The following OSBPL8 variants were observed in gnomAD, a reference collection of about 807,000 sequenced individuals.
OSBPL8 encodes the protein oxysterol binding protein like 8, also known as oxysterol-binding protein-related protein 8.
In OSBPL8, 59 loss-of-function variants were observed where a neutral mutation model predicts 125.5. That is an observed-to-expected ratio of 0.47 (90% CI 0.38 to 0.58). The LOEUF is 0.58. OSBPL8 is among the 20% of genes least tolerant of loss of function. OSBPL8 has a pLI of 0.00. For missense variants in OSBPL8, 758 were observed against 1,047.8 expected, an observed-to-expected ratio of 0.72 and a Z score of 3.82; for synonymous variants, 330 against 338.9, an observed-to-expected ratio of 0.97 and a Z score of 0.29.
At chr12:76,384,105 T>C in intron 15 of OSBPL8, 149 bp downstream of exon 15, 1 of 430,492 alleles carries the variant, frequency 2.3e-6, no homozygotes, top group Non-Finnish European at 4.2e-6. Flanking sequence ...TATTTATGAG[T>C]GGGCAGAAAA....
At chr12:76,546,445 A>T (rs57532188) in intron 1 of OSBPL8, among the ~76,000 whole-genome samples, 7,006 of 152,204 alleles carry the variant, frequency 0.046, 582 homozygotes, top group African/African-American at 0.16. Context: ...TTTCCCAAAT[A>T]ATCAAATATT....
chr12:76,457,842 T>C (rs1874245274), intron 3 of OSBPL8, among the ~76,000 whole-genome samples: 1 of 152,196 alleles, frequency 6.6e-6, no homozygotes, highest in African/African-American at 2.4e-5. Flanking sequence ...TGCTATTCTA[T>C]TTATAAAGCT....
chr12:76,403,902 C>T (rs1263625417), intron 5 of OSBPL8, among the ~76,000 whole-genome samples: 1 of 152,110 alleles, frequency 6.6e-6, no homozygotes, highest in African/African-American at 2.4e-5. Context: ...AAAGAATGAA[C>T]TTAGTAAATA....
At chr12:76,534,268 G>T (rs546727044) in intron 1 of OSBPL8, 48 of 152,318 alleles carry the variant, frequency 3.2e-4, no homozygotes, top group African/African-American at 1.1e-3. Context: ...CTTCAGGCAA[G>T]GATAGGAATG....
At chr12:76,385,959 G>C (rs1375357977) in intron 14 of OSBPL8, 4 of 614,482 alleles carry the variant, frequency 6.5e-6, no homozygotes, top group Non-Finnish European at 9.3e-6. Flanking sequence ...TTTATTTTTG[G>C]TCAAAGGATT....
intron 2 of OSBPL8, among the ~76,000 whole-genome samples, chr12:76,484,965 G>C (rs560898555): frequency 1.4e-4 from 21 of 152,156 alleles, no homozygotes; most frequent in African/African-American, 4.6e-4. Flanking sequence ...TTGTTGCCCA[G>C]GCTAGAGTGC....
rs749104262 is a variant in OSBPL8, at chr12:76,389,838, A to T, written c.1168-9T>A. On this transcript the variant is annotated splice_polypyrimidine_tract_variant and intron_variant, in intron 11 of 23. Coordinates refer to ENST00000261183, the MANE Select transcript of OSBPL8 (RefSeq NM_020841.5). ...TGAGAAGCCTCACCTGCCTTTATCAATTAATGAAAATTACCAAAACATTAT... is the reference window on the plus strand; with the variant it reads ...TGAGAAGCCTCACCTGCCTTTATCATTTAATGAAAATTACCAAAACATTAT... 17 of 1,468,392 alleles carry T rather than the reference A, an allele frequency of 1.2e-5. No homozygotes were observed. The highest frequency in any genetic ancestry group is 2.9e-5 in the African/African-American group (2 of 70,062). 91.0% of individuals were successfully genotyped at this position (1,468,392 alleles called of 1,614,324 possible).
At chr12:76,476,589 G>C (rs997326439) in intron 2 of OSBPL8, among the ~76,000 whole-genome samples, 1 of 151,896 alleles carries the variant, frequency 6.6e-6, no homozygotes, top group Admixed American at 6.6e-5. Flanking sequence ...TCAAAAAGAA[G>C]TCATCAGGAA....
In OSBPL8 at chr12:76,369,744, T is replaced by G. The variant is rs767054453; in HGVS notation, c.2133A>C (p.Glu711Asp). Residue 711 changes from glutamate to aspartate, a missense_variant, in exon 20 of 24, where the codon GAA (glutamate) becomes GAC (aspartate). By Grantham distance (45) the Glu-to-Asp change is conservative. This residue lies in a region of OSBPL8 where 572 missense variants were observed against 762.0 expected (regional missense o/e 0.75). Coordinates refer to ENST00000261183, the MANE Select transcript of OSBPL8 (RefSeq NM_020841.5). The stretch of plus-strand genomic sequence containing the variant: ...GATCCCTGGCAGCTTGTCTTTGAGC[T>G]TCTTCCAAAACATACTTCTCTTGGG... ...EATQEKYVLE[E>D]AQRQAARDRK... 7 of 1,613,728 alleles carry G rather than the reference T, an allele frequency of 4.3e-6. No homozygotes were observed. The South Asian group carries it at 7.7e-5, about 18-fold the overall frequency.
intron 5 of OSBPL8, among the ~76,000 whole-genome samples, chr12:76,408,335 G>A (rs1323823065): frequency 4.0e-5 from 6 of 150,980 alleles, no homozygotes; most frequent in African/African-American, 7.3e-5. Context: ...GGTGGCGGGC[G>A]CCTGTAGTCC....
At chr12:76,535,766 A>G (rs1051294803) in intron 1 of OSBPL8, among the ~76,000 whole-genome samples, 4 of 152,226 alleles carry the variant, frequency 2.6e-5, no homozygotes, top group African/African-American at 9.6e-5. Flanking sequence ...GGCAAAATAA[A>G]CCAGACAAGA....
Position 76,389,644 on chromosome 12 carries a change from C to T in OSBPL8, c.1352+1G>A. 1 of 1,544,620 alleles carries T rather than the reference C, an allele frequency of 6.5e-7. No individual in the cohort carries two copies. The highest frequency in any genetic ancestry group is 8.8e-7 in the Non-Finnish European group (1 of 1,141,726). On this transcript the variant is annotated splice_donor_variant, in intron 12 of 23. Coordinates refer to ENST00000261183, the MANE Select transcript of OSBPL8 (RefSeq NM_020841.5). LOFTEE classifies it high-confidence loss of function. ...ATTTTAAGAAATAAGAATCTACTTACTCAGATAGGAAATCTGCATGATAGT... is the reference window on the plus strand; with the variant it reads ...ATTTTAAGAAATAAGAATCTACTTATTCAGATAGGAAATCTGCATGATAGT...
At chr12:76,425,697 C>G (rs1006967654) in intron 4 of OSBPL8, among the ~76,000 whole-genome samples, 1 of 152,180 alleles carries the variant, frequency 6.6e-6, no homozygotes, top group African/African-American at 2.4e-5. Flanking sequence ...TTCCTTCAAG[C>G]TGATGTTTGG....
intron 4 of OSBPL8, among the ~76,000 whole-genome samples, chr12:76,435,148 A>T (rs958900705): frequency 7.2e-6 from 1 of 139,332 alleles, no homozygotes; most frequent in Non-Finnish European, 1.5e-5. Flanking sequence ...GTTTGTGTAT[A>T]TATCTACGTG....
chr12:76,484,499 T>C (rs1173955956), intron 2 of OSBPL8, among the ~76,000 whole-genome samples: 1 of 152,224 alleles, frequency 6.6e-6, no homozygotes, highest in Non-Finnish European at 1.5e-5. Flanking sequence ...TGTTTACGTA[T>C]GTGTAGCCTT....
At chr12:76,510,998 G>A (rs532717508) in intron 1 of OSBPL8, among the ~76,000 whole-genome samples, 1 of 152,126 alleles carries the variant, frequency 6.6e-6, no homozygotes, top group South Asian at 2.1e-4. Context: ...GTATAGCCAA[G>A]AGAAAATGAA....
At chr12:76,501,622 A>G (rs1879909258) in intron 1 of OSBPL8, among the ~76,000 whole-genome samples, 1 of 152,264 alleles carries the variant, frequency 6.6e-6, no homozygotes, top group African/African-American at 2.4e-5. Flanking sequence ...CAGTGGGCTC[A>G]TGAACAAAGT....
intron 1 of OSBPL8, among the ~76,000 whole-genome samples, chr12:76,552,309 C>CT (rs1323777505): frequency 8.6e-5 from 13 of 151,430 alleles, no homozygotes; most frequent in Non-Finnish European, 1.9e-4. Flanking sequence ...CCCTGTAGTA[C>CT]CAGCTACTCG....
chr12:76,402,047 C>T (rs1954071717), intron 6 of OSBPL8, among the ~76,000 whole-genome samples: 1 of 152,122 alleles, frequency 6.6e-6, no homozygotes, highest in African/African-American at 2.4e-5. Flanking sequence ...ATTCTATACC[C>T]TCAAAACTTT....
Sources: gnomAD v4.1 joint callset for allele counts (sites outside exome capture counted in the v4.1 genomes callset) on GRCh38, gnomAD v4.1.1 for gene constraint, gnomAD v4.1.1 regional missense constraint, MANE v1.5 for transcripts, NCBI Gene and HGNC (gene_info 2026-07-23, HGNC 2026-07-21) for gene names.